Variants in VWA8 observed in about 807,000 individuals in gnomAD.
VWA8 encodes von Willebrand factor A domain-containing protein 8.
VWA8 carries 221 observed loss-of-function variants against 241.5 expected under a neutral mutation model. That is an observed-to-expected ratio of 0.91 (90% confidence interval 0.82 to 1.02). The LOEUF (loss-of-function observed/expected upper bound fraction) is 1.02, where lower values mean the gene tolerates loss of function less well. Ranked by LOEUF, VWA8 falls within the 50% of genes least tolerant of loss-of-function variation. The pLI is 0.00. For missense variants in VWA8, 2,322 were observed against 2,328.7 expected (o/e 1.00, Z 0.06); for synonymous variants, 852 against 827.1 (o/e 1.03, Z -0.52).
intron 21 of VWA8, among the ~76,000 whole-genome samples, 162 bp downstream of exon 21, chr13:41,760,966 T>C (rs2045734712): frequency 6.6e-6 from 1 of 152,038 alleles, no homozygotes; most frequent in African/African-American, 2.4e-5. Context: ...AAATTTTGCA[T>C]GGTTTTATTA....
intron 26 of VWA8, among the ~76,000 whole-genome samples, chr13:41,718,566 A>G (rs1367658290): frequency 6.6e-6 from 1 of 151,874 alleles, no homozygotes; most frequent in Non-Finnish European, 1.5e-5. Context: ...TTAACACAGA[A>G]GGGAAATATT....
intron 13 of VWA8, 57 bp from the exon 14 acceptor site, chr13:41,830,699 T>C (rs996057961): frequency 1.2e-5 from 18 of 1,458,672 alleles, no homozygotes; most frequent in Non-Finnish European, 1.6e-5. Context: ...ACACTGAAGT[T>C]TTCAGAGGCA....
At chr13:41,689,720 A>C (rs1315721824) in intron 33 of VWA8, among the ~76,000 whole-genome samples, 1 of 152,128 alleles carries the variant, frequency 6.6e-6, no homozygotes, top group Non-Finnish European at 1.5e-5. Context: ...TACAGAATTC[A>C]AAATTTTATT....
chr13:41,961,004 C>T lies in VWA8; in HGVS notation c.12G>A (p.Arg4=). The change falls in exon 1 of 45, where the codon CGG becomes CGA. Residue 4 remains arginine, a synonymous_variant. Coordinates refer to ENST00000379310, the MANE Select transcript of VWA8 (RefSeq NM_015058.2). MQS[R]LLLLGAPGGH... is the part of the protein sequence containing the mutation. ...CTCCGGGTGCCCCGAGGAGTAGAAG[C>T]CGGGATTGCATGGCGCCGGGGGGGC... 3.6e-6 allele frequency: 5 copies of T among 1,384,820 alleles called. No homozygotes were observed. Among genetic ancestry groups the T allele is most frequent in the Non-Finnish European group, 4.6e-6 (5 of 1,078,192 alleles). The allele number at this position is 1,384,820 out of a possible 1,614,324, so 85.8% of individuals were successfully genotyped here.
chr13:41,713,953 T>C (rs2045333212), intron 26 of VWA8, among the ~76,000 whole-genome samples: 1 of 152,014 alleles, frequency 6.6e-6, no homozygotes, highest in Admixed American at 6.5e-5. Flanking sequence ...ATATCTCTTC[T>C]ATTATGTCAA....
At chr13:41,913,374 TAC>T (rs1212993784) in intron 2 of VWA8, among the ~76,000 whole-genome samples, 1 of 152,220 alleles carries the variant, frequency 6.6e-6, no homozygotes, top group East Asian at 1.9e-4. Context: ...AGATGTGGGT[TAC>T]AGTGTTTATT....
intron 37 of VWA8, among the ~76,000 whole-genome samples, chr13:41,617,161 C>G (rs2044626235): frequency 6.6e-6 from 1 of 151,826 alleles, no homozygotes; most frequent in Non-Finnish European, 1.5e-5. Context: ...CTCTGTCACA[C>G]AGGCTGGAGT....
intron 37 of VWA8, among the ~76,000 whole-genome samples, chr13:41,633,725 C>T (rs1018408092): frequency 1.3e-5 from 2 of 152,082 alleles, no homozygotes; most frequent in African/African-American, 4.8e-5. Context: ...TACTGAGCTG[C>T]ATGGTAATCA....
chr13:41,879,948 A>G (rs1449437301), intron 9 of VWA8, among the ~76,000 whole-genome samples: 1 of 152,180 alleles, frequency 6.6e-6, no homozygotes, highest in Non-Finnish European at 1.5e-5. Flanking sequence ...AACAAAAACC[A>G]TCTTTCATAT....
At chr13:41,906,889 AG>A (rs137964281) in intron 4 of VWA8, among the ~76,000 whole-genome samples, 1,894 of 152,270 alleles carry the variant, frequency 0.012, 15 homozygotes, top group Non-Finnish European at 0.021. Context: ...CCAATCTGAG[AG>A]GTAAAAGAAA....
intron 43 of VWA8, among the ~76,000 whole-genome samples, chr13:41,571,760 C>A (rs184508947): frequency 6.6e-6 from 1 of 152,248 alleles, no homozygotes; most frequent in African/African-American, 2.4e-5. Flanking sequence ...AGCCTCTACC[C>A]GGCCGCCACC....
At chr13:41,800,181 G>C (rs1371328890) in intron 17 of VWA8, among the ~76,000 whole-genome samples, 1 of 152,156 alleles carries the variant, frequency 6.6e-6, no homozygotes, top group African/African-American at 2.4e-5. Flanking sequence ...TTGAGCAGTT[G>C]ATAGTCATTT....
intron 19 of VWA8, among the ~76,000 whole-genome samples, chr13:41,780,991 G>C (rs1868862376): frequency 6.6e-6 from 1 of 152,064 alleles, no homozygotes. Context: ...TCTCCACTCT[G>C]TCCCCACTGT....
chr13:41,627,755 C>G (rs1386489915), intron 37 of VWA8, among the ~76,000 whole-genome samples: 1 of 152,156 alleles, frequency 6.6e-6, no homozygotes, highest in Non-Finnish European at 1.5e-5. Flanking sequence ...CATCAAGAAA[C>G]TACCCTGCCT....
chr13:41,592,630 A>C (rs958124757), intron 40 of VWA8, among the ~76,000 whole-genome samples: 19 of 149,488 alleles, frequency 1.3e-4, no homozygotes, highest in Admixed American at 1.2e-3. Flanking sequence ...TTTTCTTTTC[A>C]ATAGTTTCCA....
chr13:41,910,729 A>G (rs767094560), intron 3 of VWA8, among the ~76,000 whole-genome samples: 3 of 152,330 alleles, frequency 2.0e-5, no homozygotes, highest in African/African-American at 2.4e-5. Flanking sequence ...TTTACCTCAC[A>G]AACTAGTTCT....
intron 24 of VWA8, among the ~76,000 whole-genome samples, chr13:41,723,626 C>T (rs1234850906): frequency 1.3e-5 from 2 of 151,766 alleles, no homozygotes; most frequent in East Asian, 1.9e-4. Flanking sequence ...AATAAGATTG[C>T]AGGATATTTG....
chr13:41,727,713 T>A (rs2045448154), intron 23 of VWA8, among the ~76,000 whole-genome samples: 1 of 152,164 alleles, frequency 6.6e-6, no homozygotes, highest in African/African-American at 2.4e-5. Flanking sequence ...TTTTATCAAA[T>A]CAGTAACCTC....
At chr13:41,666,354 C>A (rs2044986000) in intron 37 of VWA8, among the ~76,000 whole-genome samples, 1 of 152,136 alleles carries the variant, frequency 6.6e-6, no homozygotes, top group South Asian at 2.1e-4. Context: ...TATCTGTGTT[C>A]TCTGTACCTT....
Sources: gnomAD v4.1 joint callset for allele counts (sites outside exome capture counted in the v4.1 genomes callset) on GRCh38, gnomAD v4.1.1 for gene constraint, MANE v1.5 for transcripts, NCBI Gene and HGNC (gene_info 2026-07-23, HGNC 2026-07-21) for gene names.